Variants in MDGA2 observed in about 807,000 individuals in gnomAD.
The protein encoded by MDGA2 is MAM domain-containing glycosylphosphatidylinositol anchor protein 2.
A neutral mutation model predicts 117.8 loss-of-function variants in MDGA2; 40 were observed. The ratio of observed to expected loss-of-function variants is 0.34; its 90% CI spans 0.26 to 0.44. The LOEUF is 0.44. Among genes scored for constraint, MDGA2 ranks in the 20% least tolerant of loss-of-function variants. The pLI, the probability that MDGA2 is intolerant of heterozygous loss-of-function variation, is 1.00. For missense variants in MDGA2, 1,123 were observed against 1,250.6 expected (o/e 0.90, Z 1.54); for synonymous variants, 452 against 439.0 (o/e 1.03, Z -0.37).
chr14:47,369,216 C>T (rs1001880989), intron 1 of MDGA2, among the ~76,000 whole-genome samples: 2 of 151,992 alleles, frequency 1.3e-5, no homozygotes, highest in Admixed American at 6.6e-5. Flanking sequence ...TAAAAATCCT[C>T]TGATAACTTC....
rs34212740 is a variant in MDGA2, at chr14:47,150,923, CAAAAA to C, written c.596-6654_596-6650del. On this transcript the variant is annotated intron_variant, in intron 3 of 16. Transcript: ENST00000399232. The stretch of plus-strand genomic sequence containing the variant: ...TGGGTGACAGAGCAAGACTCTGTCT[CAAAAA>C]AAAAAAAAAAAAAAAGAGCTATCAG... Among the ~76,000 whole-genome samples the C allele has an allele frequency of 1.5e-4, 12 of 82,462 alleles. No individual in the cohort carries two copies. The South Asian group carries it at 3.8e-3, about 26-fold the overall frequency. The allele number at this position is 82,462 out of a possible 152,430, so 54.1% of individuals were successfully genotyped here.
intron 10 of MDGA2, among the ~76,000 whole-genome samples, chr14:46,903,499 C>G (rs924417892): frequency 1.3e-5 from 2 of 152,084 alleles, no homozygotes; most frequent in East Asian, 3.9e-4. Context: ...GAATCTTAAC[C>G]AAAATGTCTA....
intron 8 of MDGA2, among the ~76,000 whole-genome samples, chr14:46,989,752 A>G (rs916645483): frequency 6.6e-6 from 1 of 152,110 alleles, no homozygotes; most frequent in African/African-American, 2.4e-5. Context: ...TCTAGGCAGG[A>G]CCAAACCAGA....
chr14:47,168,661 T>C (rs1883990950), intron 3 of MDGA2, among the ~76,000 whole-genome samples: 1 of 152,262 alleles, frequency 6.6e-6, no homozygotes, highest in South Asian at 2.1e-4. Context: ...ATAAGCTGAA[T>C]GTGCTAAGTT....
chr14:47,041,415 T>C (rs1889063887), intron 7 of MDGA2, among the ~76,000 whole-genome samples: 1 of 152,088 alleles, frequency 6.6e-6, no homozygotes, highest in African/African-American at 2.4e-5. Flanking sequence ...GTCTATACCA[T>C]GTAAGATCCC....
rs189835973 is a variant in MDGA2 at position 47,289,178 on chromosome 14, A to G, written c.420+12233T>C. Reference sequence around the variant, plus strand: ...TCTTAATTGGCATCTTTAATGTGCTAACCAAAAGTGAAAAGGATAAATTGT... The same window carrying G: ...TCTTAATTGGCATCTTTAATGTGCTGACCAAAAGTGAAAAGGATAAATTGT... On this transcript the variant is annotated intron_variant, in intron 2 of 16. Coordinates refer to ENST00000399232, the MANE Select transcript of MDGA2 (RefSeq NM_001113498.3). Among the ~76,000 whole-genome samples, 3 of 152,084 alleles carry G rather than the reference A, an allele frequency of 2.0e-5. 1 individual carries two copies. Among genetic ancestry groups the G allele is most frequent in the Admixed American group, 6.6e-5 (1 of 15,228 alleles).
At chr14:47,547,192 T>C (rs554020832) in intron 1 of MDGA2, among the ~76,000 whole-genome samples, 1 of 152,240 alleles carries the variant, frequency 6.6e-6, no homozygotes, top group Non-Finnish European at 1.5e-5. Flanking sequence ...CAAGATTGAA[T>C]TAAGACTCTT....
chr14:47,100,930 G>A (rs1880269059), intron 5 of MDGA2, among the ~76,000 whole-genome samples: 1 of 152,014 alleles, frequency 6.6e-6, no homozygotes, highest in Non-Finnish European at 1.5e-5. Context: ...TACCAGGCTG[G>A]TAGTCTTCCA....
At chr14:47,115,015 G>C (rs1881249082) in intron 5 of MDGA2, among the ~76,000 whole-genome samples, 1 of 150,262 alleles carries the variant, frequency 6.7e-6, no homozygotes, top group East Asian at 2.0e-4. Context: ...GAAAATTTTT[G>C]CTTATGCTTT....
rs182531536 is a variant in MDGA2 at position 46,909,103 on chromosome 14, G to A, written c.2238+10909C>T. ...CTCTACCAAACTATACGCTTCATGA[G>A]ATCATGGATATTTTCTGTCTGGTGC... On this transcript the variant is annotated intron_variant, in intron 10 of 16. Coordinates refer to ENST00000399232, the MANE Select transcript of MDGA2 (RefSeq NM_001113498.3). Among the ~76,000 whole-genome samples, 36 of 152,218 alleles carry A rather than the reference G, an allele frequency of 2.4e-4. No individual in the cohort carries two copies. In the East Asian group the frequency reaches 6.4e-3, roughly 27 times the overall value.
intron 1 of MDGA2, among the ~76,000 whole-genome samples, chr14:47,568,749 G>T (rs1403241708): frequency 6.6e-6 from 1 of 151,946 alleles, no homozygotes; most frequent in Non-Finnish European, 1.5e-5. Flanking sequence ...TTGTTGCTGG[G>T]GTCAGAATAT....
intron 10 of MDGA2, among the ~76,000 whole-genome samples, chr14:46,895,480 C>T (rs1883038505): frequency 6.6e-6 from 1 of 152,134 alleles, no homozygotes; most frequent in African/African-American, 2.4e-5. Context: ...AATCCCAGCA[C>T]TTTGGGAGGC....
chr14:47,433,080 CT>C (rs1892831461), intron 1 of MDGA2, among the ~76,000 whole-genome samples: 1 of 151,900 alleles, frequency 6.6e-6, no homozygotes, highest in African/African-American at 2.4e-5. Flanking sequence ...ATATAACTGC[CT>C]TTTTAAAAGA....
intron 1 of MDGA2, among the ~76,000 whole-genome samples, chr14:47,573,158 C>T (rs1471736308): frequency 1.3e-5 from 2 of 151,946 alleles, no homozygotes; most frequent in South Asian, 2.1e-4. Flanking sequence ...TTTGCTTCTC[C>T]GACTCATTTT....
At chr14:47,395,568 A>T (rs1327089335) in intron 1 of MDGA2, among the ~76,000 whole-genome samples, 1 of 152,180 alleles carries the variant, frequency 6.6e-6, no homozygotes, top group Non-Finnish European at 1.5e-5. Context: ...TTGGAAAATG[A>T]TGTTATTCAA....
intron 1 of MDGA2, among the ~76,000 whole-genome samples, chr14:47,547,967 CT>C (rs779171559): frequency 3.6e-4 from 54 of 151,944 alleles, no homozygotes; most frequent in Non-Finnish European, 4.3e-4. Context: ...ATGTTCGCCC[CT>C]CCCCTGCTTT....
intron 1 of MDGA2, among the ~76,000 whole-genome samples, chr14:47,492,571 T>C (rs999270372): frequency 4.6e-5 from 7 of 152,106 alleles, no homozygotes; most frequent in African/African-American, 1.4e-4. Context: ...GAAACTGTTT[T>C]GTACTTTAGC....
intron 3 of MDGA2, among the ~76,000 whole-genome samples, chr14:47,178,581 C>G (rs1054781844): frequency 6.6e-6 from 1 of 151,984 alleles, no homozygotes; most frequent in African/African-American, 2.4e-5. Flanking sequence ...CATTTATGTA[C>G]CAGGCACTGA....
Position 47,260,438 on chromosome 14 carries a change from C to T in MDGA2, c.420+40973G>A, listed in dbSNP as rs756980400. ...ATCTTTACTGAGCCTCTAAAGGACACAGAAGTCACCTAAGATACAGAGCTG... is the reference window on the plus strand; with the variant it reads ...ATCTTTACTGAGCCTCTAAAGGACATAGAAGTCACCTAAGATACAGAGCTG... On this transcript the variant is annotated intron_variant, in intron 2 of 16. Transcript: ENST00000399232. 1.2e-3 allele frequency among the ~76,000 whole-genome samples: 182 copies of T among 152,104 alleles called. 1 individual carries two copies. The highest frequency in any genetic ancestry group is 1.8e-3 in the Non-Finnish European group (125 of 67,954).
Sources: allele counts gnomAD v4.1 joint callset (sites outside exome capture counted in the v4.1 genomes callset), GRCh38; gene constraint gnomAD v4.1.1; transcripts MANE v1.5; gene names NCBI Gene and HGNC (gene_info 2026-07-23, HGNC 2026-07-21).